The following FOXP2 variants were observed in gnomAD, a reference collection of about 807,000 sequenced individuals.
FOXP2 encodes forkhead box P2.
A neutral mutation model predicts 115.8 loss-of-function variants in FOXP2; 12 were observed. The observed-to-expected ratio is 0.10, with a 90% confidence interval of 0.07 to 0.17. The LOEUF is 0.17. Ranked by LOEUF, FOXP2 falls within the 10% of genes least tolerant of loss-of-function variation. The pLI is 1.00. For missense variants in FOXP2, 629 were observed against 843.5 expected (o/e 0.75, Z 3.15); for synonymous variants, 328 against 297.7 (o/e 1.10, Z -1.05).
chr7:114,411,756 G>T (rs1251306167), upstream of FOXP2, among the ~76,000 whole-genome samples: 3 of 152,096 alleles, frequency 2.0e-5, no homozygotes, highest in South Asian at 2.1e-4. Context: ...AGATCCCTCT[G>T]CACTAGAGAG....
In FOXP2 at chr7:114,435,714, T is replaced by C. The variant is rs185007537; in HGVS notation, c.168+9035T>C. Among the ~76,000 whole-genome samples, 392 of 152,250 alleles carry C rather than the reference T, an allele frequency of 2.6e-3. 1 individual carries two copies. Among genetic ancestry groups the C allele is most frequent in the African/African-American group, 9.1e-3 (379 of 41,544 alleles). ...CACCATACCCGGCTAATTTTTTGTA[T>C]CTTTAGTAGAGACGGGGTTTCACCA... On this transcript the variant is annotated intron_variant, in intron 2 of 16. Transcript: ENST00000350908.
rs1402365146 is a variant in FOXP2 at position 114,693,536 on chromosome 7, A to G, written c.*3610A>G. 2 of 453,216 alleles carry G rather than the reference A, an allele frequency of 4.4e-6. No individual in the cohort carries two copies. The highest frequency in any genetic ancestry group is 2.0e-5 in the African/African-American group (1 of 49,962). 28.1% of individuals were successfully genotyped at this position (453,216 alleles called of 1,614,324 possible). A position where few individuals can be genotyped will look rare whatever the true frequency, so the allele number is the denominator to read the frequency against. ...AGTCTATAAAGCTATTGAAAGGAAC[A>G]TGGCTTACCCTTGTTATTTCACTAG... On this transcript the variant is annotated 3_prime_UTR_variant, in exon 17 of 17. Transcript: ENST00000350908.
At chr7:114,440,122 A>G (rs192407789) in intron 2 of FOXP2, among the ~76,000 whole-genome samples, 1 of 152,266 alleles carries the variant, frequency 6.6e-6, no homozygotes, top group African/African-American at 2.4e-5. Flanking sequence ...AGCTCTTATT[A>G]TGATCCCCAT....
intron 1 of FOXP2, among the ~76,000 whole-genome samples, chr7:114,098,810 TG>T (rs1283704190): frequency 1.3e-5 from 2 of 152,188 alleles, no homozygotes; most frequent in African/African-American, 4.8e-5. Context: ...ATTTTATCTC[TG>T]GTAAAAGGTT....
upstream of FOXP2, chr7:114,414,810 T>A (rs1023147441): frequency 2.5e-5 from 8 of 317,714 alleles, no homozygotes; most frequent in Admixed American, 1.2e-4. Flanking sequence ...AGAAGTGTAT[T>A]TATCACAGAC....
intron 1 of FOXP2, among the ~76,000 whole-genome samples, chr7:114,133,450 C>T (rs769809460): frequency 8.5e-5 from 13 of 152,138 alleles, no homozygotes; most frequent in African/African-American, 2.7e-4. Flanking sequence ...CTAGAAATTA[C>T]GAGGCTAGAT....
At chr7:114,295,080 A>G (rs557655206) in intron 2 of FOXP2, among the ~76,000 whole-genome samples, 59 of 152,268 alleles carry the variant, frequency 3.9e-4, no homozygotes, top group African/African-American at 1.4e-3. Flanking sequence ...ATAGTTTTAA[A>G]CTTGTGGCTT....
At chr7:114,238,243 A>T (rs939644081) in intron 1 of FOXP2, among the ~76,000 whole-genome samples, 22 of 151,234 alleles carry the variant, frequency 1.5e-4, no homozygotes, top group African/African-American at 5.3e-4. Context: ...CTTGACCTAT[A>T]TCTACCATCT....
intron 2 of FOXP2, among the ~76,000 whole-genome samples, chr7:114,497,094 T>G (rs1258732440): frequency 6.6e-6 from 1 of 152,164 alleles, no homozygotes; most frequent in African/African-American, 2.4e-5. Context: ...AGTTCAAAGT[T>G]GATAGGTAAA....
At chr7:114,497,665 G>GTAAATAAATAAA (rs3028216) in intron 2 of FOXP2, among the ~76,000 whole-genome samples, 1 of 145,538 alleles carries the variant, frequency 6.9e-6, no homozygotes, top group African/African-American at 2.5e-5. Context: ...AAATAAATAA[G>GTAAATAAATAAA]TAAATAAATA....
At chr7:114,333,632 A>C (rs1797769383) in intron 2 of FOXP2, among the ~76,000 whole-genome samples, 1 of 152,220 alleles carries the variant, frequency 6.6e-6, no homozygotes, top group South Asian at 2.1e-4. Context: ...ACATGCCTAG[A>C]GTGCAGCACG....
At chr7:114,355,096 C>G (rs1322862502) in intron 2 of FOXP2, among the ~76,000 whole-genome samples, 2 of 152,062 alleles carry the variant, frequency 1.3e-5, no homozygotes, top group African/African-American at 4.8e-5. Flanking sequence ...AAAACAAAAA[C>G]AAACATATCT....
At position 114,142,539 on chromosome 7, in the gene FOXP2, T is replaced by G. The variant is rs187508152; in HGVS notation, c.-246-20405T>G. On this transcript the variant is annotated intron_variant, in intron 1 of 19. Coordinates refer to the FOXP2 transcript ENST00000635638. ...AGAATAATTTCCAGAAGGTCCATTT[T>G]AAGTAGAAAAGTGTGGAAAGTAAGA... Among the ~76,000 whole-genome samples, 197 of 152,328 alleles carry G rather than the reference T, an allele frequency of 1.3e-3. 2 individuals carry two copies. Among genetic ancestry groups the G allele is most frequent in the African/African-American group, 4.4e-3 (185 of 41,580 alleles).
At chr7:114,247,952 C>A (rs186206826) in intron 1 of FOXP2, among the ~76,000 whole-genome samples, 1 of 152,198 alleles carries the variant, frequency 6.6e-6, no homozygotes, top group African/African-American at 2.4e-5. Flanking sequence ...CACACGAACA[C>A]ACACACGTAC....
At chr7:114,406,379 A>G (rs938943159) in intron 2 of FOXP2, among the ~76,000 whole-genome samples, 36 of 152,114 alleles carry the variant, frequency 2.4e-4, no homozygotes, top group African/African-American at 7.7e-4. Flanking sequence ...CTCAAAGTAC[A>G]GGTTTTTACA....
intron 1 of FOXP2, among the ~76,000 whole-genome samples, chr7:114,206,695 T>G (rs1022129236): frequency 6.6e-6 from 1 of 152,210 alleles, no homozygotes; most frequent in East Asian, 1.9e-4. Context: ...ACTTTATACC[T>G]CTTTCTAGAA....
intron 2 of FOXP2, among the ~76,000 whole-genome samples, chr7:114,291,862 T>C (rs1796600735): frequency 7.1e-6 from 1 of 141,500 alleles, no homozygotes; most frequent in South Asian, 2.1e-4. Flanking sequence ...ACATTTTATA[T>C]ATAATATATA....
chr7:114,241,632 T>G (rs192265853), intron 1 of FOXP2, among the ~76,000 whole-genome samples: 11 of 152,106 alleles, frequency 7.2e-5, no homozygotes, highest in Admixed American at 7.2e-4. Context: ...TCTAAAAATG[T>G]GTGAAAATAT....
At chr7:114,675,884 ATTTTCT>A (rs1285124600) in intron 16 of FOXP2, among the ~76,000 whole-genome samples, 3 of 151,056 alleles carry the variant, frequency 2.0e-5, no homozygotes, top group African/African-American at 7.3e-5. Context: ...GATTATACAC[ATTTTCT>A]TTATTTTATT....
Sources: allele counts gnomAD v4.1 joint callset (sites outside exome capture counted in the v4.1 genomes callset), GRCh38; gene constraint gnomAD v4.1.1; transcripts MANE v1.5; gene names NCBI Gene and HGNC (gene_info 2026-07-23, HGNC 2026-07-21).